The following SMAD3 variants were observed in gnomAD, a reference collection of about 807,000 sequenced individuals.
The protein encoded by SMAD3 is SMAD family member 3, also known as MAD homolog 3.
A neutral mutation model predicts 51.8 loss-of-function variants in SMAD3; 12 were observed. That is an observed-to-expected ratio of 0.23 (90% CI 0.15 to 0.38). The LOEUF is 0.38. Among genes scored for constraint, SMAD3 ranks in the 10% least tolerant of loss-of-function variants. The pLI is 1.00. For synonymous variants in SMAD3, 238 were observed against 227.7 expected, an observed-to-expected ratio of 1.05 and a Z score of -0.41; for missense variants, 294 against 565.6, an observed-to-expected ratio of 0.52 and a Z score of 4.87.
In SMAD3 at chr15:67,164,921, C is replaced by T; in HGVS notation, c.233C>T (p.Ser78Phe). ...PRSLDGRLQV[S>F]HRKGLPHVIY... ...TCCCTGGATGGCCGGTTGCAGGTGT[C>T]CCATCGGAAGGGGCTCCCTCATGTC... Residue 78 changes from serine to phenylalanine, a missense_variant, in exon 2 of 9, where the codon TCC becomes TTC. Transcript: ENST00000327367. 1 of 1,613,302 alleles carries T rather than the reference C, an allele frequency of 6.2e-7. No homozygotes were observed. Among genetic ancestry groups the T allele is most frequent in the East Asian group, 2.2e-5 (1 of 44,888 alleles).
intron 7 of SMAD3, chr15:67,187,002 C>A: frequency 2.1e-6 from 1 of 470,276 alleles, no homozygotes; most frequent in Non-Finnish European, 4.2e-6. Context: ...TCTCTGTCCC[C>A]TGGTCCCTTT....
At position 67,092,706 on chromosome 15, in the gene SMAD3, G is replaced by A. The variant is rs373082471; in HGVS notation, c.206+26346G>A. ...AGGGGAATGTGGTGTAGCGGAAAAG[G>A]CACAGGACTGGTAGGGCTGTGCCCC... On this transcript the variant is annotated intron_variant, in intron 1 of 8. Transcript: ENST00000327367. Among the ~76,000 whole-genome samples the A allele has an allele frequency of 4.0e-4, 61 of 152,348 alleles. 1 individual carries two copies. Among genetic ancestry groups the A allele is most frequent in the African/African-American group, 1.1e-3 (44 of 41,576 alleles).
intron 7 of SMAD3, chr15:67,187,139 G>T: frequency 4.4e-6 from 3 of 679,692 alleles, no homozygotes; most frequent in Non-Finnish European, 8.1e-6. Flanking sequence ...AGGTATGTCA[G>T]TGGCACCTCC....
At chr15:67,184,640 T>A (rs942062362) in intron 6 of SMAD3, 87 bp from the exon 7 acceptor site, 2 of 1,524,694 alleles carry the variant, frequency 1.3e-6, no homozygotes, top group Admixed American at 3.3e-5. Context: ...GCTCTGCTGT[T>A]CTGCCTCCTT....
At chr15:67,151,674 A>C (rs769019297) in intron 1 of SMAD3, among the ~76,000 whole-genome samples, 3 of 152,168 alleles carry the variant, frequency 2.0e-5, no homozygotes, top group Non-Finnish European at 4.4e-5. Flanking sequence ...AGTTTTTGAA[A>C]AATATTTGAT....
chr15:67,093,906 T>A (rs908006611), intron 1 of SMAD3, among the ~76,000 whole-genome samples: 2 of 152,152 alleles, frequency 1.3e-5, no homozygotes, highest in African/African-American at 4.8e-5. Context: ...TCTTTGTTGA[T>A]CTCATTTGGT....
At chr15:67,190,388 C>T (rs1454349389) in intron 8 of SMAD3, 25 bp from the exon 9 acceptor site, 1 of 1,612,212 alleles carries the variant, frequency 6.2e-7, no homozygotes, top group African/African-American at 1.3e-5. Context: ...GTCCCCCACC[C>T]CACCCCTTTC....
At chr15:67,135,485 T>A (rs1449234119) in intron 1 of SMAD3, among the ~76,000 whole-genome samples, 1 of 152,224 alleles carries the variant, frequency 6.6e-6, no homozygotes, top group African/African-American at 2.4e-5. Context: ...GCAGGGTGCC[T>A]GGTACCAAGT....
chr15:67,073,223 G>A (rs536696604), intron 1 of SMAD3, among the ~76,000 whole-genome samples: 23 of 151,914 alleles, frequency 1.5e-4, no homozygotes, highest in Non-Finnish European at 3.1e-4. Context: ...CCTTTGTTTC[G>A]ACTTAACAGT....
At chr15:67,127,230 T>C (rs937216255) in intron 1 of SMAD3, among the ~76,000 whole-genome samples, 1 of 152,234 alleles carries the variant, frequency 6.6e-6, no homozygotes, top group African/African-American at 2.4e-5. Context: ...TTACCCTGTC[T>C]GAGGTCGAAT....
In SMAD3 at chr15:67,176,021, C is replaced by T. The variant is rs543860461; in HGVS notation, c.659-5220C>T. On this transcript the variant is annotated intron_variant, in intron 5 of 8. Transcript: ENST00000327367. Reference sequence around the variant, plus strand: ...TGAGGGCCCGGTTTTTAGACTTTGCCACTGTTCCTGGTTGCAGTATGCTGG... The same window carrying T: ...TGAGGGCCCGGTTTTTAGACTTTGCTACTGTTCCTGGTTGCAGTATGCTGG... Among the ~76,000 whole-genome samples the T allele has an allele frequency of 2.6e-5, 4 of 152,312 alleles. No homozygotes were observed. The East Asian group carries it at 7.7e-4, about 29-fold the overall frequency.
At chr15:67,121,107 T>A (rs1488028355) in intron 1 of SMAD3, among the ~76,000 whole-genome samples, 1 of 152,230 alleles carries the variant, frequency 6.6e-6, no homozygotes. Flanking sequence ...AATGTGTACT[T>A]CTTAGCCTTT....
At chr15:67,172,447 T>C (rs1224086731) in intron 5 of SMAD3, among the ~76,000 whole-genome samples, 1 of 152,220 alleles carries the variant, frequency 6.6e-6, no homozygotes, top group Non-Finnish European at 1.5e-5. Flanking sequence ...CATGAGCCCC[T>C]GTGCTCCCCT....
intron 1 of SMAD3, among the ~76,000 whole-genome samples, chr15:67,086,833 G>A (rs1595891487): frequency 6.6e-6 from 1 of 151,942 alleles, no homozygotes; most frequent in African/African-American, 2.4e-5. Flanking sequence ...ATCAAGGAAC[G>A]TGGACCTGAG....
At chr15:67,088,016 C>T (rs754493566) in intron 1 of SMAD3, among the ~76,000 whole-genome samples, 3 of 152,188 alleles carry the variant, frequency 2.0e-5, no homozygotes, top group Non-Finnish European at 4.4e-5. Context: ...TGATTGACAG[C>T]TCAGATGTGA....
intron 5 of SMAD3, among the ~76,000 whole-genome samples, chr15:67,178,275 C>T (rs1291846487): frequency 6.6e-6 from 1 of 152,164 alleles, no homozygotes; most frequent in Non-Finnish European, 1.5e-5. Context: ...GGCCTGCCAG[C>T]TTTTTCTTTT....
chr15:67,106,815 T>C (rs901002588), intron 1 of SMAD3, among the ~76,000 whole-genome samples: 1 of 152,190 alleles, frequency 6.6e-6, no homozygotes, highest in African/African-American at 2.4e-5. Flanking sequence ...CAGTCCTACA[T>C]CTCAGTCTTT....
intron 1 of SMAD3, among the ~76,000 whole-genome samples, chr15:67,072,350 A>G (rs1381759305): frequency 6.6e-6 from 1 of 152,220 alleles, no homozygotes; most frequent in South Asian, 2.1e-4. Flanking sequence ...CTTGCTTCAA[A>G]TTGGAATCAG....
intron 5 of SMAD3, among the ~76,000 whole-genome samples, chr15:67,179,222 C>T (rs1962987398): frequency 1.3e-5 from 2 of 152,150 alleles, no homozygotes; most frequent in Admixed American, 1.3e-4. Context: ...AGCTTGTGCC[C>T]CATGATCCAG....
Sources: gnomAD v4.1 joint callset for allele counts (sites outside exome capture counted in the v4.1 genomes callset) on GRCh38, gnomAD v4.1.1 for gene constraint, MANE v1.5 for transcripts, NCBI Gene and HGNC (gene_info 2026-07-23, HGNC 2026-07-21) for gene names.